FOXN3: variants seen among roughly 807,000 people sequenced by gnomAD.
FOXN3 encodes forkhead box N3.
In FOXN3, 7 loss-of-function variants were observed where a neutral mutation model predicts 38.4. The ratio of observed to expected loss-of-function variants is 0.18; its 90% CI spans 0.10 to 0.34. The LOEUF is 0.34. Among genes scored for constraint, FOXN3 ranks in the 10% least tolerant of loss-of-function variants. FOXN3 has a pLI of 1.00. For synonymous variants in FOXN3, 230 were observed against 242.2 expected (o/e 0.95, Z 0.47); for missense variants, 456 against 613.4 (o/e 0.74, Z 2.71).
At chr14:89,318,641 A>G (rs1312702003) in intron 3 of FOXN3, among the ~76,000 whole-genome samples, 1 of 152,192 alleles carries the variant, frequency 6.6e-6, no homozygotes, top group African/African-American at 2.4e-5. Flanking sequence ...AGGATTTTAA[A>G]TGTTCACTCA....
At chr14:89,533,190 T>G (rs1035178507) in intron 1 of FOXN3, among the ~76,000 whole-genome samples, 14 of 152,206 alleles carry the variant, frequency 9.2e-5, no homozygotes, top group South Asian at 2.1e-4. Flanking sequence ...TTCATTCATG[T>G]CATGCATGGA....
At position 89,161,285 on chromosome 14, in the gene FOXN3, T is replaced by G. The variant is rs763820430; in HGVS notation, c.*1129A>C. 2 of 152,452 alleles carry G rather than the reference T, an allele frequency of 1.3e-5. No individual in the cohort carries two copies. The highest frequency in any genetic ancestry group is 2.9e-5 in the Non-Finnish European group (2 of 68,024). The allele number at this position is 152,452 out of a possible 1,614,324, so 9.4% of individuals were successfully genotyped here. ...TTTTGAGGGCAGTATAGGAGTTATTTTATTTTTTGCCATGTTTTACTTTTT... is the reference window on the plus strand; with the variant it reads ...TTTTGAGGGCAGTATAGGAGTTATTGTATTTTTTGCCATGTTTTACTTTTT... On this transcript the variant is annotated 3_prime_UTR_variant, in exon 6 of 6. Coordinates refer to ENST00000557258, the MANE Select transcript of FOXN3 (RefSeq NM_005197.4).
intron 4 of FOXN3, among the ~76,000 whole-genome samples, chr14:89,183,683 G>T (rs532752062): frequency 2.0e-5 from 1 of 48,992 alleles, no homozygotes; most frequent in Admixed American, 1.8e-4. Flanking sequence ...TAATGATGCA[G>T]AATGTGCTCA....
intron 1 of FOXN3, among the ~76,000 whole-genome samples, chr14:89,600,966 T>A (rs1332223211): frequency 6.6e-6 from 1 of 152,218 alleles, no homozygotes; most frequent in Non-Finnish European, 1.5e-5. Context: ...CCTTATTCCA[T>A]GAAGCAAACA....
intron 1 of FOXN3, among the ~76,000 whole-genome samples, chr14:89,582,875 T>C (rs7153240): frequency 0.015 from 2,209 of 152,318 alleles, 47 homozygotes; most frequent in African/African-American, 0.05. Context: ...ATACAATATA[T>C]ATGCTCTTTT....
chr14:89,300,339 T>C (rs574434367), intron 3 of FOXN3, among the ~76,000 whole-genome samples: 6 of 152,084 alleles, frequency 3.9e-5, no homozygotes, highest in Non-Finnish European at 7.4e-5. Context: ...CCCGCCATCA[T>C]GCCCAGATAA....
At chr14:89,270,065 T>C (rs1036350773) in intron 4 of FOXN3, among the ~76,000 whole-genome samples, 2 of 152,180 alleles carry the variant, frequency 1.3e-5, no homozygotes, top group Non-Finnish European at 2.9e-5. Flanking sequence ...TCTAACACAA[T>C]CAGAGGGACA....
At chr14:89,370,389 T>C (rs1215371379) in intron 2 of FOXN3, among the ~76,000 whole-genome samples, 2 of 152,254 alleles carry the variant, frequency 1.3e-5, no homozygotes. Flanking sequence ...CCTGGGTCTT[T>C]GGGGTTGCCC....
intron 2 of FOXN3, among the ~76,000 whole-genome samples, chr14:89,351,856 A>G (rs1888985148): frequency 6.6e-6 from 1 of 152,222 alleles, no homozygotes; most frequent in South Asian, 2.1e-4. Context: ...GGGGAAGGGG[A>G]CAATCCAAGA....
At chr14:89,385,499 TAAAAAA>T (rs10681650) in intron 2 of FOXN3, among the ~76,000 whole-genome samples, 3 of 108,814 alleles carry the variant, frequency 2.8e-5, no homozygotes, top group Admixed American at 1.1e-4. Flanking sequence ...GGCAAACATT[TAAAAAA>T]AAAAAAAAAA....
chr14:89,286,043 G>T (rs2110703), intron 3 of FOXN3, among the ~76,000 whole-genome samples: 75,957 of 150,860 alleles, frequency 0.5, 19,789 homozygotes, highest in East Asian at 0.67. Context: ...AGTTTTTTTT[G>T]TTGTTGTTTG....
In FOXN3 at chr14:89,335,073, CAT is replaced by C. The variant is rs201477923; in HGVS notation, c.680+15597_680+15598del. On this transcript the variant is annotated intron_variant, in intron 3 of 5. Transcript: ENST00000557258. The stretch of plus-strand genomic sequence containing the variant: ...AAAAAGAGTAGAACTTAACTATTTT[CAT>C]ATCACACACACACACACACACACAC... Among the ~76,000 whole-genome samples the C allele has an allele frequency of 1.1e-3, 110 of 96,076 alleles. 3 individuals are homozygous for C. The East Asian group carries it at 0.019, about 17-fold the overall frequency. The allele number at this position is 96,076 out of a possible 152,430, so 63.0% of individuals were successfully genotyped here.
At chr14:89,579,965 T>C (rs149268277) in intron 1 of FOXN3, among the ~76,000 whole-genome samples, 154 of 150,948 alleles carry the variant, frequency 1.0e-3, no homozygotes, top group African/African-American at 3.5e-3. Flanking sequence ...CAATTTTCTC[T>C]AACTTTATGA....
At chr14:89,172,296 G>C (rs1887410036) in intron 5 of FOXN3, among the ~76,000 whole-genome samples, 1 of 152,148 alleles carries the variant, frequency 6.6e-6, no homozygotes, top group South Asian at 2.1e-4. Flanking sequence ...ACTATGTACA[G>C]GCTGGCCTCA....
chr14:89,344,163 A>G (rs1189614523), intron 3 of FOXN3, among the ~76,000 whole-genome samples: 2 of 152,248 alleles, frequency 1.3e-5, no homozygotes, highest in East Asian at 3.9e-4. Context: ...GATTTTTCTA[A>G]CTTTGTACAT....
chr14:89,330,326 C>G (rs1888211733), intron 3 of FOXN3, among the ~76,000 whole-genome samples: 1 of 152,208 alleles, frequency 6.6e-6, no homozygotes, highest in South Asian at 2.1e-4. Context: ...TTGCCCTGCA[C>G]TGGGAGTATC....
chr14:89,179,304 T>C (rs889870732), intron 5 of FOXN3, among the ~76,000 whole-genome samples: 1 of 152,218 alleles, frequency 6.6e-6, no homozygotes, highest in Admixed American at 6.5e-5. Flanking sequence ...ATGCGACTTG[T>C]CCTGACAACA....
chr14:89,538,914 G>A (rs879641976), intron 1 of FOXN3, among the ~76,000 whole-genome samples: 12 of 151,936 alleles, frequency 7.9e-5, no homozygotes, highest in Non-Finnish European at 1.5e-4. Context: ...TGCGATCTCC[G>A]CTCACTGCAA....
intron 5 of FOXN3, among the ~76,000 whole-genome samples, chr14:89,174,445 G>C (rs1177792153): frequency 1.3e-5 from 2 of 152,148 alleles, no homozygotes; most frequent in East Asian, 3.9e-4. Flanking sequence ...AAACCACTGA[G>C]ATAAACATGA....
Sources: allele counts gnomAD v4.1 joint callset (sites outside exome capture counted in the v4.1 genomes callset), GRCh38; gene constraint gnomAD v4.1.1; transcripts MANE v1.5; gene names NCBI Gene and HGNC (gene_info 2026-07-23, HGNC 2026-07-21).